The following MYRIP variants were observed in gnomAD, a reference collection of about 807,000 sequenced individuals.
The protein encoded by MYRIP is rab effector MyRIP.
MYRIP carries 49 observed loss-of-function variants against 98.0 expected under a neutral mutation model. The ratio of observed to expected loss-of-function variants is 0.50; its 90% CI spans 0.40 to 0.63. MYRIP has a LOEUF of 0.63. MYRIP is among the 30% of genes least tolerant of loss of function. The pLI is 0.00. For missense variants in MYRIP, 1,004 were observed against 1,058.2 expected, an observed-to-expected ratio of 0.95 and a Z score of 0.71; for synonymous variants, 404 against 409.5, an observed-to-expected ratio of 0.99 and a Z score of 0.16.
chr3:39,945,180 A>T (rs967080278), intron 2 of MYRIP, among the ~76,000 whole-genome samples: 1 of 151,652 alleles, frequency 6.6e-6, no homozygotes, highest in African/African-American at 2.4e-5. Context: ...CCTTAAGAAT[A>T]TATCTTTGGC....
At chr3:40,137,469 G>A (rs1031790928) in intron 3 of MYRIP, among the ~76,000 whole-genome samples, 1 of 152,148 alleles carries the variant, frequency 6.6e-6, no homozygotes, top group Non-Finnish European at 1.5e-5. Flanking sequence ...GGAGGAACTG[G>A]TACCATTCCT....
chr3:39,876,091 C>T (rs1376250250), intron 1 of MYRIP, among the ~76,000 whole-genome samples: 6 of 152,148 alleles, frequency 3.9e-5, no homozygotes, highest in African/African-American at 1.4e-4. Flanking sequence ...TTTACCATTA[C>T]ATAATGGCCT....
intron 3 of MYRIP, among the ~76,000 whole-genome samples, chr3:40,050,304 C>A (rs1028854136): frequency 6.6e-6 from 1 of 152,152 alleles, no homozygotes; most frequent in Non-Finnish European, 1.5e-5. Context: ...AGCCAGTGCT[C>A]ATTTTAGCAC....
intron 1 of MYRIP, among the ~76,000 whole-genome samples, chr3:39,863,255 A>G (rs1575317431): frequency 6.6e-6 from 1 of 152,278 alleles, no homozygotes; most frequent in East Asian, 1.9e-4. Context: ...AACAAGAGAA[A>G]CAAGAAAACC....
chr3:40,099,336 C>T (rs147429114), intron 3 of MYRIP, among the ~76,000 whole-genome samples: 1 of 152,286 alleles, frequency 6.6e-6, no homozygotes, highest in African/African-American at 2.4e-5. Context: ...TATTTGAGCA[C>T]TATAATATGC....
At chr3:40,243,998 A>C (rs1278666743) in intron 12 of MYRIP, among the ~76,000 whole-genome samples, 2 of 152,176 alleles carry the variant, frequency 1.3e-5, no homozygotes, top group Non-Finnish European at 1.5e-5. Context: ...TTCACTCAAA[A>C]TTTGTAATTA....
intron 3 of MYRIP, among the ~76,000 whole-genome samples, chr3:40,056,873 T>C (rs1286796809): frequency 6.6e-6 from 1 of 152,184 alleles, no homozygotes; most frequent in Admixed American, 6.5e-5. Context: ...AATTAAATAC[T>C]TGAATTGAAA....
chr3:40,079,154 G>C lies in MYRIP; in HGVS notation c.332+34883G>C, dbSNP rs144889179. Reference sequence around the variant, plus strand: ...TAGAGATGAAGGGATTTTAAATGTGGTACTTAGAAGTTGACTGTTCGAAGA... The same window carrying C: ...TAGAGATGAAGGGATTTTAAATGTGCTACTTAGAAGTTGACTGTTCGAAGA... On this transcript the variant is annotated intron_variant, in intron 3 of 16. Transcript: ENST00000302541. 3.3e-3 allele frequency among the ~76,000 whole-genome samples: 501 copies of C among 152,272 alleles called. 13 individuals are homozygous for C. The highest frequency in any genetic ancestry group is 0.029 in the Admixed American group (436 of 15,296).
rs541090121 is a variant in MYRIP at position 40,119,923 on chromosome 3, AAAAT to A, written c.333-31101_333-31098del. On this transcript the variant is annotated intron_variant, in intron 3 of 16. Coordinates refer to ENST00000302541, the MANE Select transcript of MYRIP (RefSeq NM_015460.4). ...CTAAAACTTAAAGTATAATAATAATAAAATAAATAAATAAATAAATAAATAAACT... is the reference window on the plus strand; with the variant it reads ...CTAAAACTTAAAGTATAATAATAATAAAATAAATAAATAAATAAATAAACT... Among the ~76,000 whole-genome samples the A allele has an allele frequency of 4.4e-3, 672 of 151,804 alleles. 2 individuals carry two copies. The highest frequency in any genetic ancestry group is 0.013 in the African/African-American group (554 of 41,422).
chr3:40,074,231 C>T (rs530234532), intron 3 of MYRIP, among the ~76,000 whole-genome samples: 1 of 152,188 alleles, frequency 6.6e-6, no homozygotes, highest in Non-Finnish European at 1.5e-5. Context: ...CCCACAACCA[C>T]ACCTGGCTAA....
At chr3:40,253,327 A>G (rs943225581) in intron 16 of MYRIP, among the ~76,000 whole-genome samples, 2 of 152,322 alleles carry the variant, frequency 1.3e-5, no homozygotes, top group South Asian at 2.1e-4. Flanking sequence ...CAAAGGTAGC[A>G]TAATCACTTG....
At position 40,176,485 on chromosome 3, in the gene MYRIP, C is replaced by T. The variant is rs140707893; in HGVS notation, c.874-5735C>T. On this transcript the variant is annotated intron_variant, in intron 8 of 16. Coordinates refer to ENST00000302541, the MANE Select transcript of MYRIP (RefSeq NM_015460.4). ...AAATACAAGGCCAGGTATGGTGGCT[C>T]ATGCCTGTAATCCTAGCACTTTGGG... Among the ~76,000 whole-genome samples the T allele has an allele frequency of 5.5e-3, 835 of 152,266 alleles. 35 individuals are homozygous for T. The highest frequency in any genetic ancestry group is 0.051 in the Admixed American group (776 of 15,282).
intron 3 of MYRIP, among the ~76,000 whole-genome samples, chr3:40,105,523 T>A (rs1265182837): frequency 1.3e-5 from 2 of 151,904 alleles, no homozygotes; most frequent in African/African-American, 4.8e-5. Context: ...AGAACAGGAC[T>A]GAGAGAGAGA....
intron 2 of MYRIP, among the ~76,000 whole-genome samples, chr3:39,976,560 A>T (rs1342442183): frequency 6.6e-6 from 1 of 152,234 alleles, no homozygotes; most frequent in African/African-American, 2.4e-5. Context: ...TACCCAAAGG[A>T]TTATAAATCA....
intron 2 of MYRIP, among the ~76,000 whole-genome samples, chr3:39,975,759 T>A (rs889886057): frequency 2.3e-4 from 35 of 152,136 alleles, no homozygotes; most frequent in Admixed American, 1.1e-3. Context: ...GCTACAACCA[T>A]CTGATCTTTG....
At chr3:39,955,066 G>T (rs1945121168) in intron 2 of MYRIP, among the ~76,000 whole-genome samples, 1 of 152,198 alleles carries the variant, frequency 6.6e-6, no homozygotes, top group African/African-American at 2.4e-5. Context: ...ACCTGAAAGT[G>T]ACGGGGAGAA....
At position 40,201,825 on chromosome 3, in the gene MYRIP, G is replaced by A. The variant is rs80287895; in HGVS notation, c.1666-8029G>A. On this transcript the variant is annotated intron_variant, in intron 10 of 16. Transcript: ENST00000302541. Reference sequence around the variant, plus strand: ...GAGGAAAACAAATGCCTTATTCACAGCATGTGAATAAAACTAGTTTTAGGT... The same window carrying A: ...GAGGAAAACAAATGCCTTATTCACAACATGTGAATAAAACTAGTTTTAGGT... 4.5e-3 allele frequency among the ~76,000 whole-genome samples: 688 copies of A among 152,226 alleles called. 7 individuals carry two copies. The highest frequency in any genetic ancestry group is 0.016 in the African/African-American group (666 of 41,524).
chr3:40,198,982 A>T (rs1951478034), intron 10 of MYRIP, among the ~76,000 whole-genome samples: 1 of 152,194 alleles, frequency 6.6e-6, no homozygotes, highest in Non-Finnish European at 1.5e-5. Context: ...AGGAAAGATA[A>T]GATGAAGCCA....
intron 1 of MYRIP, among the ~76,000 whole-genome samples, chr3:39,878,131 G>T (rs927531196): frequency 6.6e-6 from 1 of 152,230 alleles, no homozygotes; most frequent in Admixed American, 6.5e-5. Context: ...GACTCCGTGG[G>T]CGTAGGACCC....
Sources: gnomAD v4.1 joint callset for allele counts (sites outside exome capture counted in the v4.1 genomes callset) on GRCh38, gnomAD v4.1.1 for gene constraint, MANE v1.5 for transcripts, NCBI Gene and HGNC (gene_info 2026-07-23, HGNC 2026-07-21) for gene names.